The following GLIS3 variants were observed in gnomAD, a reference collection of about 807,000 sequenced individuals.
GLIS3 encodes GLIS family zinc finger 3.
GLIS3 carries 53 observed loss-of-function variants against 78.6 expected under a neutral mutation model. That is an observed-to-expected ratio of 0.67 (90% CI 0.54 to 0.85). GLIS3 has a LOEUF of 0.85. GLIS3 is among the 40% of genes least tolerant of loss of function. The probability of loss-of-function intolerance (pLI) is 0.00; values close to 1 mark genes in which losing one functional copy is unlikely to be tolerated. For missense variants in GLIS3, 1,703 were observed against 1,231.1 expected, an observed-to-expected ratio of 1.38 and a Z score of -5.74; for synonymous variants, 684 against 509.9, an observed-to-expected ratio of 1.34 and a Z score of -4.60.
chr9:4,167,016 A>T (rs1433366115), intron 2 of GLIS3, among the ~76,000 whole-genome samples: 1 of 152,264 alleles, frequency 6.6e-6, no homozygotes, highest in Non-Finnish European at 1.5e-5. Flanking sequence ...GAAGGTGGAT[A>T]TAAGAAAGAC....
the GLIS3 span, among the ~76,000 whole-genome samples, chr9:4,425,516 G>A: frequency 1.3e-5 from 2 of 152,174 alleles, no homozygotes; most frequent in Non-Finnish European, 2.9e-5. Context: ...GGAAATGAAG[G>A]ATTTTCTCAT....
chr9:3,983,074 A>G (rs1421862462), intron 4 of GLIS3, among the ~76,000 whole-genome samples: 2 of 152,198 alleles, frequency 1.3e-5, no homozygotes, highest in Non-Finnish European at 2.9e-5. Flanking sequence ...ATCTTGAATT[A>G]TAACTCCCAT....
At chr9:4,080,369 A>C (rs1036677002) in intron 4 of GLIS3, among the ~76,000 whole-genome samples, 7 of 152,138 alleles carry the variant, frequency 4.6e-5, no homozygotes, top group African/African-American at 1.7e-4. Context: ...GGGGGCTCCA[A>C]AAACTCAGTA....
At chr9:4,115,882 G>A (rs1182842945) in intron 4 of GLIS3, among the ~76,000 whole-genome samples, 2 of 152,160 alleles carry the variant, frequency 1.3e-5, no homozygotes, top group South Asian at 2.1e-4. Flanking sequence ...ATTCCACCTA[G>A]AAGTGGGGAG....
chr9:3,884,604 C>T (rs1264125380), intron 7 of GLIS3, among the ~76,000 whole-genome samples: 1 of 152,138 alleles, frequency 6.6e-6, no homozygotes, highest in Non-Finnish European at 1.5e-5. Context: ...AGCTTCATTT[C>T]ATCTTCTTGC....
chr9:4,312,250 T>C (rs1204378886), intron 2 of GLIS3, among the ~76,000 whole-genome samples: 3 of 152,180 alleles, frequency 2.0e-5, no homozygotes, highest in East Asian at 1.9e-4. Flanking sequence ...GGCGGATCAC[T>C]TGAGGTCAGG....
At chr9:4,291,835 G>C (rs1816007492) in intron 1 of GLIS3, among the ~76,000 whole-genome samples, 1 of 152,072 alleles carries the variant, frequency 6.6e-6, no homozygotes, top group Non-Finnish European at 1.5e-5. Context: ...ACTCTTCAGT[G>C]CATCTATATA....
intron 2 of GLIS3, among the ~76,000 whole-genome samples, chr9:4,129,020 T>C (rs989561115): frequency 6.6e-6 from 1 of 152,190 alleles, no homozygotes; most frequent in East Asian, 1.9e-4. Context: ...TGGGAACATG[T>C]AAATGTTTGT....
intron 4 of GLIS3, among the ~76,000 whole-genome samples, chr9:4,028,675 C>G (rs910415574): frequency 6.6e-6 from 1 of 152,038 alleles, no homozygotes; most frequent in Non-Finnish European, 1.5e-5. Context: ...TTAACTGAAT[C>G]CCAACACTAT....
At chr9:4,366,115 C>T in the GLIS3 span, among the ~76,000 whole-genome samples, 1 of 152,140 alleles carries the variant, frequency 6.6e-6, no homozygotes, top group Non-Finnish European at 1.5e-5. Context: ...GAAATGGGCC[C>T]AGTGAGATAG....
intron 2 of GLIS3, among the ~76,000 whole-genome samples, chr9:4,154,554 A>G (rs1384337112): frequency 6.6e-6 from 1 of 152,180 alleles, no homozygotes. Context: ...GAAACATATT[A>G]ACATTCTATA....
intron 2 of GLIS3, among the ~76,000 whole-genome samples, chr9:4,315,189 C>A (rs1817419908): frequency 6.6e-6 from 1 of 152,208 alleles, no homozygotes; most frequent in Admixed American, 6.5e-5. Flanking sequence ...CACTTAAAAT[C>A]ATGTGTCCCA....
At chr9:4,453,063 A>G in the GLIS3 span, among the ~76,000 whole-genome samples, 1 of 152,182 alleles carries the variant, frequency 6.6e-6, no homozygotes, top group African/African-American at 2.4e-5. Context: ...GAAATAGGAA[A>G]AGGATTCCCT....
At chr9:3,956,191 A>C (rs1286453889) in intron 4 of GLIS3, among the ~76,000 whole-genome samples, 1 of 152,166 alleles carries the variant, frequency 6.6e-6, no homozygotes, top group East Asian at 1.9e-4. Context: ...GAAAGAAAAA[A>C]AAAATCACCT....
At chr9:3,958,587 C>A (rs976799949) in intron 4 of GLIS3, among the ~76,000 whole-genome samples, 1 of 152,200 alleles carries the variant, frequency 6.6e-6, no homozygotes, top group Non-Finnish European at 1.5e-5. Flanking sequence ...TTAATAAACA[C>A]GTGTTGGGCT....
intron 4 of GLIS3, among the ~76,000 whole-genome samples, chr9:3,968,919 A>G (rs900439507): frequency 6.6e-6 from 1 of 152,254 alleles, no homozygotes; most frequent in African/African-American, 2.4e-5. Flanking sequence ...TAAGTGAGTG[A>G]GCAAATTTAA....
intron 2 of GLIS3, among the ~76,000 whole-genome samples, chr9:4,242,696 G>C (rs1823431041): frequency 6.6e-6 from 1 of 152,158 alleles, no homozygotes; most frequent in African/African-American, 2.4e-5. Context: ...CTGGGCACTT[G>C]AAATATAGCT....
intron 2 of GLIS3, among the ~76,000 whole-genome samples, chr9:4,257,567 G>A (rs1384039609): frequency 1.8e-5 from 1 of 54,398 alleles, no homozygotes; most frequent in African/African-American, 4.8e-5. Flanking sequence ...ACATGTATAT[G>A]TTGTTGTTGT....
chr9:4,151,842 G>A (rs888037586), intron 2 of GLIS3, among the ~76,000 whole-genome samples: 6 of 152,178 alleles, frequency 3.9e-5, no homozygotes, highest in Non-Finnish European at 7.3e-5. Flanking sequence ...CACAGCAGGA[G>A]AGAACCTTTG....
Sources: gnomAD v4.1 joint callset for allele counts (sites outside exome capture counted in the v4.1 genomes callset) on GRCh38, gnomAD v4.1.1 for gene constraint, MANE v1.5 for transcripts, NCBI Gene and HGNC (gene_info 2026-07-23, HGNC 2026-07-21) for gene names.